RYR2: variants seen among roughly 807,000 people sequenced by gnomAD.
RYR2 encodes ryanodine receptor 2, also known as cardiac muscle ryanodine receptor-calcium release channel.
A neutral mutation model predicts 601.1 loss-of-function variants in RYR2; 227 were observed. The ratio of observed to expected loss-of-function variants is 0.38; its 90% confidence interval spans 0.34 to 0.42. The LOEUF (loss-of-function observed/expected upper bound fraction) is 0.42. RYR2 is among the 10% of genes least tolerant of loss of function. The pLI, the probability that RYR2 is intolerant of heterozygous loss-of-function variation, is 1.00. For missense variants in RYR2, 4,646 were observed against 6,156.5 expected, an observed-to-expected ratio of 0.75 and a Z score of 8.21; for synonymous variants, 2,223 against 2,175.1, an observed-to-expected ratio of 1.02 and a Z score of -0.61.
intron 29 of RYR2, among the ~76,000 whole-genome samples, chr1:237,571,902 G>A (rs1359427192): frequency 6.6e-6 from 1 of 152,120 alleles, no homozygotes; most frequent in Admixed American, 6.5e-5. Context: ...ATTGCATCAT[G>A]GAAAATGGGG....
At chr1:237,051,376 C>T (rs1376641317) in intron 1 of RYR2, among the ~76,000 whole-genome samples, 1 of 147,350 alleles carries the variant, frequency 6.8e-6, no homozygotes, top group Non-Finnish European at 1.5e-5. Context: ...CCTCGGGGCT[C>T]ATGAGTGAGT....
chr1:237,548,100 A>G (rs1670009207), intron 25 of RYR2, among the ~76,000 whole-genome samples: 1 of 152,258 alleles, frequency 6.6e-6, no homozygotes, highest in African/African-American at 2.4e-5. Context: ...ATTTCAATAA[A>G]TAACCAATAT....
chr1:237,714,591 A>G (rs1272174980), intron 71 of RYR2, among the ~76,000 whole-genome samples: 2 of 151,990 alleles, frequency 1.3e-5, no homozygotes, highest in Non-Finnish European at 2.9e-5. Context: ...ATTTAAAGCT[A>G]TTTTCTGTGA....
intron 1 of RYR2, among the ~76,000 whole-genome samples, chr1:237,192,573 C>T (rs984721846): frequency 5.3e-5 from 8 of 152,224 alleles, no homozygotes; most frequent in Non-Finnish European, 1.2e-4. Flanking sequence ...ATTCTGTGAT[C>T]TCACTTAATA....
intron 26 of RYR2, 149 bp downstream of exon 26, chr1:237,548,739 C>A: frequency 1.0e-6 from 1 of 995,084 alleles, no homozygotes; most frequent in Non-Finnish European, 1.4e-6. Context: ...CTGTTTAATG[C>A]TAGACTCAAG....
intron 1 of RYR2, among the ~76,000 whole-genome samples, chr1:237,252,724 C>G (rs1687580375): frequency 6.6e-6 from 1 of 152,196 alleles, no homozygotes; most frequent in Admixed American, 6.5e-5. Context: ...TGACAATCCT[C>G]TAAGGTGGAG....
chr1:237,538,322 G>C (rs1218487202), intron 25 of RYR2, among the ~76,000 whole-genome samples: 1 of 134,340 alleles, frequency 7.4e-6, no homozygotes, highest in Non-Finnish European at 1.5e-5. Context: ...TTGAACCCAG[G>C]AGGCGGAACT....
chr1:237,769,666 T>TA (rs1327526802), intron 84 of RYR2, among the ~76,000 whole-genome samples: 4 of 152,170 alleles, frequency 2.6e-5, no homozygotes, highest in Non-Finnish European at 1.5e-5. Context: ...TAATTTCACT[T>TA]AAAGTAAACA....
At chr1:237,523,400 C>T (rs1439585637) in intron 24 of RYR2, among the ~76,000 whole-genome samples, 1 of 152,066 alleles carries the variant, frequency 6.6e-6, no homozygotes, top group Non-Finnish European at 1.5e-5. Context: ...ATATAGAAAT[C>T]TTATAACTCA....
At chr1:237,392,984 C>T (rs978104288) in intron 10 of RYR2, among the ~76,000 whole-genome samples, 3 of 152,020 alleles carry the variant, frequency 2.0e-5, no homozygotes, top group Non-Finnish European at 2.9e-5. Flanking sequence ...GCAATAAATA[C>T]GTTTATTTCT....
rs1214519469 is a variant in RYR2, at chr1:237,726,270, C to G, written c.10690-3C>G. ...GCTAACATAACATTTTTATTTCTTT[C>G]AGAAGTCTAAACGTGTGGGTCGGAG... On this transcript the variant is annotated splice_polypyrimidine_tract_variant and splice_region_variant and intron_variant, in intron 74 of 104. Coordinates refer to ENST00000366574, the MANE Select transcript of RYR2 (RefSeq NM_001035.3). 5 of 1,575,160 alleles carry G rather than the reference C, an allele frequency of 3.2e-6. No homozygotes were observed. Among genetic ancestry groups the G allele is most frequent in the Non-Finnish European group, 8.7e-7 (1 of 1,154,272 alleles).
At chr1:237,758,455 A>G (rs1693136081) in intron 82 of RYR2, among the ~76,000 whole-genome samples, 1 of 152,074 alleles carries the variant, frequency 6.6e-6, no homozygotes, top group Admixed American at 6.6e-5. Flanking sequence ...ACCCCCCGTA[A>G]ATGGCTATAT....
intron 26 of RYR2, among the ~76,000 whole-genome samples, chr1:237,549,924 C>T (rs1670210822): frequency 6.6e-6 from 1 of 152,140 alleles, no homozygotes; most frequent in Admixed American, 6.5e-5. Context: ...AGCCTGTTCA[C>T]TCTCTCTGTG....
intron 68 of RYR2, among the ~76,000 whole-genome samples, chr1:237,707,828 A>G (rs1688506760): frequency 6.6e-6 from 1 of 152,064 alleles, no homozygotes; most frequent in African/African-American, 2.4e-5. Context: ...CAAGAGTGCA[A>G]TGGTGAGATC....
intron 23 of RYR2, among the ~76,000 whole-genome samples, chr1:237,508,964 G>C (rs1311543821): frequency 6.6e-6 from 1 of 151,586 alleles, no homozygotes; most frequent in Non-Finnish European, 1.5e-5. Flanking sequence ...GGATGGTTTC[G>C]ATCTCCTGAC....
intron 29 of RYR2, among the ~76,000 whole-genome samples, chr1:237,585,073 C>T (rs765187837): frequency 5.9e-5 from 9 of 152,170 alleles, no homozygotes; most frequent in South Asian, 2.1e-4. Flanking sequence ...AACACCACCA[C>T]GCTTGTTTGT....
At position 237,659,993 on chromosome 1, in the gene RYR2, T is replaced by C. The variant is rs1206657759; in HGVS notation, c.8217T>C (p.Asn2739=). ...HDKWSMDKLA[N]GWIYGEIYSD... ...GTTTGCCTTTTTTTAAGTTGGCAAATGGATGGATTTATGGAGAAATATATT... is the reference window on the plus strand; with the variant it reads ...GTTTGCCTTTTTTTAAGTTGGCAAACGGATGGATTTATGGAGAAATATATT... Residue 2739 remains asparagine (N), a synonymous_variant, in exon 55 of 105, where the codon AAT becomes AAC. Transcript: ENST00000366574. 6.3e-7 allele frequency: 1 copy of C among 1,581,996 alleles called. No homozygotes were observed. Among genetic ancestry groups the C allele is most frequent in the African/African-American group, 1.4e-5 (1 of 73,056 alleles).
intron 1 of RYR2, among the ~76,000 whole-genome samples, chr1:237,192,370 C>A (rs146075453): frequency 0.012 from 1,770 of 151,954 alleles, 38 homozygotes; most frequent in African/African-American, 0.041. Context: ...CCACCACGCC[C>A]GGCTAATTTT....
chr1:237,141,083 A>C (rs571290476), intron 1 of RYR2, among the ~76,000 whole-genome samples: 1 of 152,346 alleles, frequency 6.6e-6, no homozygotes, highest in South Asian at 2.1e-4. Context: ...GCAAAGTGTG[A>C]GAACAGCTTC....
Sources: allele counts gnomAD v4.1 joint callset (sites outside exome capture counted in the v4.1 genomes callset), GRCh38; gene constraint gnomAD v4.1.1; transcripts MANE v1.5; gene names NCBI Gene and HGNC (gene_info 2026-07-23, HGNC 2026-07-21).